Variants in PCDH11X observed in about 807,000 individuals in gnomAD.
PCDH11X encodes the protein protocadherin 11 X-linked.
In PCDH11X, 18 loss-of-function variants were observed where a neutral mutation model predicts 53.3. That is an observed-to-expected ratio of 0.34 (90% CI 0.23 to 0.50). PCDH11X has a LOEUF of 0.50. Among genes scored for constraint, PCDH11X ranks in the 20% least tolerant of loss-of-function variants. PCDH11X has a pLI of 0.98. For synonymous variants in PCDH11X, 279 were observed against 393.3 expected (o/e 0.71, Z 3.44); for missense variants, 570 against 1,032.4 (o/e 0.55, Z 6.14).
intron 5 of PCDH11X, among the ~76,000 whole-genome samples, chrX:91,844,464 T>C (rs1432599453): frequency 1.8e-5 from 2 of 110,042 alleles, no homozygotes; most frequent in African/African-American, 6.6e-5. Context: ...CTCTACCATC[T>C]GGAATTGCTT....
intron 10 of PCDH11X, among the ~76,000 whole-genome samples, chrX:92,485,283 A>T (rs934907728): frequency 1.8e-5 from 2 of 111,257 alleles, no homozygotes; most frequent in Non-Finnish European, 3.8e-5. Context: ...AAACATTAGT[A>T]ATTAATGATA....
intron 6 of PCDH11X, among the ~76,000 whole-genome samples, chrX:92,110,432 G>T (rs897609235): frequency 9.3e-6 from 1 of 107,820 alleles, no homozygotes; most frequent in Non-Finnish European, 1.9e-5. Context: ...CAAAATTAAG[G>T]ATGCACCCGG....
chrX:92,439,245 G>A (rs2072458517), intron 9 of PCDH11X, among the ~76,000 whole-genome samples: 1 of 111,373 alleles, frequency 9.0e-6, no homozygotes, highest in African/African-American at 3.3e-5. Context: ...CTGAAGGTAA[G>A]AACACCAAGT....
intron 10 of PCDH11X, among the ~76,000 whole-genome samples, chrX:92,581,759 A>G (rs968941550): frequency 5.4e-5 from 6 of 111,579 alleles, no homozygotes; most frequent in African/African-American, 2.0e-4. Context: ...TGAAGCAGAT[A>G]GAAAAATGTG....
chrX:92,018,486 C>G (rs1431215122), intron 6 of PCDH11X, among the ~76,000 whole-genome samples: 1 of 111,764 alleles, frequency 8.9e-6, no homozygotes, highest in African/African-American at 3.3e-5. Context: ...AATGCAATTT[C>G]TGATTAAATA....
chrX:92,313,798 G>C (rs1432252621), intron 8 of PCDH11X, among the ~76,000 whole-genome samples: 1 of 111,475 alleles, frequency 9.0e-6, no homozygotes, highest in Non-Finnish European at 1.9e-5. Context: ...CATATAATAT[G>C]ATGGTAAGTA....
At chrX:92,274,500 G>A (rs940008704) in intron 8 of PCDH11X, among the ~76,000 whole-genome samples, 3 of 110,959 alleles carry the variant, frequency 2.7e-5, no homozygotes, top group African/African-American at 9.9e-5. Flanking sequence ...TGTAGGAAAG[G>A]ACTCTACCTG....
At chrX:91,871,694 A>T (rs781737746) in intron 5 of PCDH11X, among the ~76,000 whole-genome samples, 22 of 111,008 alleles carry the variant, frequency 2.0e-4, no homozygotes, top group African/African-American at 6.8e-4. Flanking sequence ...AATATCCTTT[A>T]TCAATTTTTT....
chrX:92,255,676 G>T (rs970047223), intron 7 of PCDH11X, among the ~76,000 whole-genome samples: 7 of 111,205 alleles, frequency 6.3e-5, no homozygotes. Flanking sequence ...ACCCTCAGCT[G>T]CAGGACTGTT....
chrX:91,822,197 C>T (rs1484953544), intron 4 of PCDH11X, among the ~76,000 whole-genome samples: 5 of 110,021 alleles, frequency 4.5e-5, no homozygotes, highest in East Asian at 2.8e-4. Context: ...ATAAAATGAG[C>T]TAGGGAGGAT....
In PCDH11X at chrX:91,832,645, A is replaced by T. The variant is rs572206163; in HGVS notation, c.-44-2816A>T. Among the ~76,000 whole-genome samples, 104 of 108,779 alleles carry T rather than the reference A, an allele frequency of 9.6e-4. No homozygotes were observed. The South Asian group carries it at 0.04, about 42-fold the overall frequency. 94.5% of individuals were successfully genotyped at this position (108,779 alleles called of 115,157 possible). ...GTACCCTAGAACTTAAAGTATAATT[A>T]AAAAAATTAAAAATAAAGATAGAGT... On this transcript the variant is annotated intron_variant, in intron 4 of 10. Transcript: ENST00000682573.
intron 6 of PCDH11X, among the ~76,000 whole-genome samples, chrX:91,922,582 C>T (rs1473616374): frequency 8.9e-6 from 1 of 112,076 alleles, no homozygotes; most frequent in Admixed American, 9.5e-5. Flanking sequence ...TGAGCTCCGC[C>T]TGCTGTCAGA....
At chrX:92,087,425 C>T (rs997308730) in intron 6 of PCDH11X, among the ~76,000 whole-genome samples, 6 of 109,681 alleles carry the variant, frequency 5.5e-5, no homozygotes, top group Non-Finnish European at 1.1e-4. Flanking sequence ...TGGCATGAGG[C>T]CCAGTCACAA....
intron 6 of PCDH11X, among the ~76,000 whole-genome samples, chrX:91,907,764 C>T (rs1257420422): frequency 1.8e-5 from 2 of 109,390 alleles, no homozygotes; most frequent in African/African-American, 6.7e-5. Flanking sequence ...GTTGTTTTTT[C>T]TGGTCCTCTC....
chrX:92,445,089 GA>G (rs1270491995), intron 9 of PCDH11X, among the ~76,000 whole-genome samples: 1 of 102,762 alleles, frequency 9.7e-6, no homozygotes, highest in Non-Finnish European at 2.0e-5. Flanking sequence ...AGCTGCAGAG[GA>G]GCTCTTTCTC....
At chrX:92,383,145 C>T (rs1033375026) in intron 8 of PCDH11X, among the ~76,000 whole-genome samples, 5 of 109,101 alleles carry the variant, frequency 4.6e-5, no homozygotes, top group African/African-American at 1.7e-4. Context: ...GCTGTTTTTA[C>T]ACTTCAACAT....
intron 9 of PCDH11X, among the ~76,000 whole-genome samples, chrX:92,412,834 AAAGT>A (rs1283205461): frequency 3.7e-5 from 4 of 109,540 alleles, no homozygotes; most frequent in African/African-American, 1.3e-4. Flanking sequence ...GGTAGAGAAA[AAAGT>A]AAGCATATTC....
At chrX:92,132,669 GTATATGTATATA>G (rs1296193033) in intron 6 of PCDH11X, among the ~76,000 whole-genome samples, 3 of 51,613 alleles carry the variant, frequency 5.8e-5, no homozygotes, top group African/African-American at 1.1e-4. Context: ...ATATATATAT[GTATATGTATATA>G]TATATGTATA....
At chrX:92,272,439 T>C (rs910753607) in intron 8 of PCDH11X, among the ~76,000 whole-genome samples, 5 of 111,950 alleles carry the variant, frequency 4.5e-5, no homozygotes, top group African/African-American at 1.6e-4. Flanking sequence ...AGGTGGCATT[T>C]TACCAAAGGA....
Sources: allele counts gnomAD v4.1 joint callset (sites outside exome capture counted in the v4.1 genomes callset), GRCh38; gene constraint gnomAD v4.1.1; transcripts MANE v1.5; gene names NCBI Gene and HGNC (gene_info 2026-07-23, HGNC 2026-07-21).